BCAR3: variants seen among roughly 807,000 people sequenced by gnomAD.
BCAR3 encodes breast cancer anti-estrogen resistance protein 3.
In BCAR3, 37 loss-of-function variants were observed where a neutral mutation model predicts 80.1. The observed-to-expected ratio is 0.46, with a 90% CI of 0.36 to 0.61. The LOEUF is 0.61. BCAR3 is among the 20% of genes least tolerant of loss of function. BCAR3 has a pLI of 0.00. For missense variants in BCAR3, 978 were observed against 1,068.2 expected, an observed-to-expected ratio of 0.92 and a Z score of 1.18; for synonymous variants, 389 against 418.9, an observed-to-expected ratio of 0.93 and a Z score of 0.87.
chr1:93,700,739 T>G (rs1649610567), intron 3 of BCAR3, among the ~76,000 whole-genome samples: 1 of 152,244 alleles, frequency 6.6e-6, no homozygotes, highest in Non-Finnish European at 1.5e-5. Context: ...CCCTACAGGA[T>G]TCTCCTGTGG....
Position 93,592,130 on chromosome 1 carries a change from C to T in BCAR3, c.486+135G>A. On this transcript the variant is annotated intron_variant, in intron 4 of 11. Transcript: ENST00000260502. The surrounding 1 kb of genome is among the most constrained non-coding windows in gnomAD (Gnocchi z 4.8). ...TCTTAGAGAAGGGTCTAAATGAAGT[C>T]ATTTTTAGAGTATTTGTTTTTGGTT... 7.7e-7 allele frequency: 1 copy of T among 1,299,754 alleles called. No homozygotes were observed. The highest frequency in any genetic ancestry group is 1.0e-6 in the Non-Finnish European group (1 of 956,240). 80.5% of individuals were successfully genotyped at this position (1,299,754 alleles called of 1,614,324 possible). A position where few individuals can be genotyped will look rare whatever the true frequency, so the allele number is the denominator to read the frequency against.
At chr1:93,606,333 C>T (rs1292330513) in intron 3 of BCAR3, among the ~76,000 whole-genome samples, 2 of 152,170 alleles carry the variant, frequency 1.3e-5, no homozygotes, top group African/African-American at 4.8e-5. Context: ...ATACAGCATT[C>T]CTGTGGGCTA....
chr1:93,758,015 T>C (rs1384301296), intron 2 of BCAR3, among the ~76,000 whole-genome samples: 1 of 152,102 alleles, frequency 6.6e-6, no homozygotes, highest in Non-Finnish European at 1.5e-5. Context: ...ATATCTTGAA[T>C]GGAGGGAAAG....
chr1:93,781,891 A>G (rs1458716577), intron 2 of BCAR3, among the ~76,000 whole-genome samples: 1 of 152,180 alleles, frequency 6.6e-6, no homozygotes, highest in Non-Finnish European at 1.5e-5. Flanking sequence ...CTTCAACTTT[A>G]TCTAGGTCCT....
chr1:93,655,727 T>G (rs1647352620), intron 2 of BCAR3, among the ~76,000 whole-genome samples: 1 of 152,140 alleles, frequency 6.6e-6, no homozygotes, highest in Non-Finnish European at 1.5e-5. Context: ...GCAAATAAGC[T>G]CTCCTTCCCT....
chr1:93,634,919 T>A (rs1339063442), intron 3 of BCAR3, among the ~76,000 whole-genome samples: 5 of 152,182 alleles, frequency 3.3e-5, no homozygotes, highest in African/African-American at 1.2e-4. Flanking sequence ...TAACACAATG[T>A]GTGTTTCTGC....
chr1:93,604,350 T>A (rs1674713053), intron 3 of BCAR3, among the ~76,000 whole-genome samples: 1 of 152,178 alleles, frequency 6.6e-6, no homozygotes, highest in Non-Finnish European at 1.5e-5. Flanking sequence ...CAATCTCTTA[T>A]CAAAAGAGGC....
chr1:93,566,409 A>G (rs1672953676), intron 11 of BCAR3, among the ~76,000 whole-genome samples: 1 of 152,144 alleles, frequency 6.6e-6, no homozygotes, highest in South Asian at 2.1e-4. Flanking sequence ...TATACACTGC[A>G]TTTATCGTAC....
At chr1:93,644,414 A>G (rs1676088233) in intron 2 of BCAR3, among the ~76,000 whole-genome samples, 2 of 152,182 alleles carry the variant, frequency 1.3e-5, no homozygotes, top group Non-Finnish European at 2.9e-5. Context: ...CAACCAGAAA[A>G]TGTTTAAATT....
Position 93,567,803 on chromosome 1 carries a change from G to A in BCAR3, c.2023C>T (p.Gln675Ter). The A allele has an allele frequency of 6.2e-7, 1 of 1,614,246 alleles. No homozygotes were observed. Among genetic ancestry groups the A allele is most frequent in the Non-Finnish European group, 8.5e-7 (1 of 1,180,032 alleles). The change falls in exon 10 of 12, where the codon CAA becomes TAA. Residue 675 changes from glutamine to a stop codon, truncating the protein, a stop_gained. Coordinates refer to ENST00000260502, the MANE Select transcript of BCAR3 (RefSeq NM_003567.4). LOFTEE classifies it high-confidence loss of function. Reference protein sequence around the residue: ...TWTALRHQYTQTAILYEKQLK... With the variant: ...TWTALRHQYT ...TGTTTCTCATAGAGAATGGCAGTTT[G>A]GGTGTACTGGTGCCGCAGAGCAGTC... is the stretch of plus-strand genomic sequence containing the variant.
At chr1:93,688,969 C>T (rs1451480291) in intron 3 of BCAR3, among the ~76,000 whole-genome samples, 1 of 152,050 alleles carries the variant, frequency 6.6e-6, no homozygotes, top group African/African-American at 2.4e-5. Flanking sequence ...TAAAATGTTA[C>T]TTAAAAACAA....
intron 2 of BCAR3, among the ~76,000 whole-genome samples, chr1:93,657,148 A>G (rs1039171302): frequency 1.3e-5 from 2 of 152,226 alleles, no homozygotes; most frequent in African/African-American, 4.8e-5. Context: ...TTCCCAACCA[A>G]CATAAAGACT....
chr1:93,841,265 T>A (rs1654950317), intron 2 of BCAR3, among the ~76,000 whole-genome samples: 1 of 152,256 alleles, frequency 6.6e-6, no homozygotes, highest in African/African-American at 2.4e-5. Context: ...CTCTGCTGTC[T>A]GACTTTGCTC....
chr1:93,564,133 GTGTCTATTCAAATTTT>G (rs1485242607), intron 11 of BCAR3, among the ~76,000 whole-genome samples: 3 of 151,868 alleles, frequency 2.0e-5, no homozygotes. Context: ...CTCTGATGTA[GTGTCTATTCAAATTTT>G]TGTCTATTTA....
Position 93,781,844 on chromosome 1 carries a change from C to T in BCAR3, c.-63+63723G>A, listed in dbSNP as rs142631802. Among the ~76,000 whole-genome samples the T allele has an allele frequency of 5.3e-3, 806 of 152,280 alleles. 6 individuals are homozygous for T. Among genetic ancestry groups the T allele is most frequent in the African/African-American group, 0.018 (750 of 41,544 alleles). On this transcript the variant is annotated intron_variant, in intron 2 of 13. Coordinates refer to the BCAR3 transcript ENST00000370244. The stretch of plus-strand genomic sequence containing the variant: ...TTTAAGATTTATCTTCTCCCAAGCT[C>T]GACAACTGTTCAGATTAGGCACCTG...
At chr1:93,755,789 G>A (rs1651724686) in intron 2 of BCAR3, among the ~76,000 whole-genome samples, 1 of 152,212 alleles carries the variant, frequency 6.6e-6, no homozygotes, top group African/African-American at 2.4e-5. Flanking sequence ...GTGCATGTGT[G>A]TGCGTGCATG....
At chr1:93,585,069 G>A (rs1673888730) in intron 5 of BCAR3, 1 of 985,450 alleles carries the variant, frequency 1.0e-6, no homozygotes, top group Non-Finnish European at 1.2e-6. Flanking sequence ...AAGACCGAGG[G>A]CAAATTACAA....
intron 4 of BCAR3, among the ~76,000 whole-genome samples, chr1:93,590,626 T>C (rs1394660747): frequency 1.3e-5 from 2 of 152,226 alleles, no homozygotes; most frequent in Non-Finnish European, 2.9e-5. Context: ...ATTCCAACAT[T>C]TGATCAACAG....
At chr1:93,686,139 G>A (rs1175936046), upstream of BCAR3, among the ~76,000 whole-genome samples, 1 of 152,180 alleles carries the variant, frequency 6.6e-6, no homozygotes, top group Non-Finnish European at 1.5e-5. Context: ...TGGGGGCACT[G>A]ATCAGAAGGC....
Sources: gnomAD v4.1 joint callset for allele counts (sites outside exome capture counted in the v4.1 genomes callset) on GRCh38, gnomAD v4.1.1 for gene constraint, Gnocchi (gnomAD v3.1) non-coding constraint, MANE v1.5 for transcripts, NCBI Gene and HGNC (gene_info 2026-07-23, HGNC 2026-07-21) for gene names.